PCDH11X: variants seen among roughly 807,000 people sequenced by gnomAD.
PCDH11X encodes the protein protocadherin-11 X-linked.
A neutral mutation model predicts 53.3 loss-of-function variants in PCDH11X; 18 were observed. That is an observed-to-expected ratio of 0.34 (90% confidence interval 0.23 to 0.50). The LOEUF is 0.50. PCDH11X is among the 20% of genes least tolerant of loss of function. The pLI is 0.98. For synonymous variants in PCDH11X, 279 were observed against 393.3 expected (o/e 0.71, Z 3.44); for missense variants, 570 against 1,032.4 (o/e 0.55, Z 6.14).
At chrX:92,144,696 T>C (rs1400699197) in intron 6 of PCDH11X, among the ~76,000 whole-genome samples, 1 of 110,767 alleles carries the variant, frequency 9.0e-6, no homozygotes, top group African/African-American at 3.3e-5. Flanking sequence ...CCAGCTATCC[T>C]GATGTCATTA....
chrX:92,233,011 G>A (rs1207151529), intron 7 of PCDH11X, among the ~76,000 whole-genome samples: 2 of 111,716 alleles, frequency 1.8e-5, no homozygotes, highest in African/African-American at 3.3e-5. Context: ...CACCGCGCCC[G>A]GCCTGCCCTA....
At chrX:92,423,898 T>C (rs1456932110) in intron 9 of PCDH11X, among the ~76,000 whole-genome samples, 2 of 97,213 alleles carry the variant, frequency 2.1e-5, no homozygotes, top group East Asian at 5.9e-4. Flanking sequence ...TATGGCCTTA[T>C]AGTATAAAGT....
intron 8 of PCDH11X, among the ~76,000 whole-genome samples, chrX:92,272,374 G>C (rs1434198731): frequency 3.6e-5 from 4 of 111,771 alleles, no homozygotes; most frequent in African/African-American, 1.3e-4. Flanking sequence ...AGCTGGACAA[G>C]TCTCCTGCTT....
intron 9 of PCDH11X, among the ~76,000 whole-genome samples, chrX:92,454,441 G>A (rs1399859161): frequency 9.1e-6 from 1 of 110,131 alleles, no homozygotes; most frequent in Non-Finnish European, 1.9e-5. Context: ...TGTCAGAAAT[G>A]CTCTATTTTG....
chrX:92,350,737 G>A (rs1321621838), intron 8 of PCDH11X, among the ~76,000 whole-genome samples: 1 of 111,567 alleles, frequency 9.0e-6, no homozygotes, highest in Non-Finnish European at 1.9e-5. Context: ...TGCTCTGTCT[G>A]TCTGAGTGGG....
intron 6 of PCDH11X, among the ~76,000 whole-genome samples, chrX:92,132,651 A>ATATGTATATATATATG (rs2065007966): frequency 7.0e-5 from 4 of 57,001 alleles, no homozygotes; most frequent in African/African-American, 3.7e-4. Flanking sequence ...ATATATATAT[A>ATATGTATATATATATG]TATATGTATA....
At chrX:91,963,774 G>A (rs1472418528) in intron 6 of PCDH11X, among the ~76,000 whole-genome samples, 2 of 111,184 alleles carry the variant, frequency 1.8e-5, no homozygotes, top group African/African-American at 6.6e-5. Flanking sequence ...TCAACTCACA[G>A]TTCAGCATGG....
intron 7 of PCDH11X, among the ~76,000 whole-genome samples, chrX:92,225,331 C>CAAAAAAAAAAAAA (rs35632625): frequency 1.4e-5 from 1 of 69,425 alleles, no homozygotes; most frequent in African/African-American, 5.0e-5. Flanking sequence ...CACAATAATT[C>CAAAAAAAAAAAAA]AAAAAAAAAA....
At position 92,206,499 on chromosome X, in the gene PCDH11X, A is replaced by G. The variant is rs185548055; in HGVS notation, c.3114+5044A>G. Among the ~76,000 whole-genome samples the G allele has an allele frequency of 2.7e-3, 302 of 111,101 alleles. 3 individuals are homozygous for G. Among genetic ancestry groups the G allele is most frequent in the African/African-American group, 9.3e-3 (285 of 30,582 alleles). ...CAATTAATTAACATTCATGATACAG[A>G]TAGTGACTTTTTAAAAAATTTTTAA... On this transcript the variant is annotated intron_variant, in intron 7 of 10. Transcript: ENST00000682573.
Position 91,990,661 on chromosome X carries a change from C to T in PCDH11X, c.3033+111388C>T, listed in dbSNP as rs781414998. ...ACTGCCTCATTATTTCCAGGGATAG[C>T]GGAAATCCCAATTTCCCACTCAACT... On this transcript the variant is annotated intron_variant, in intron 6 of 10. Transcript: ENST00000682573. 1.4e-3 allele frequency among the ~76,000 whole-genome samples: 151 copies of T among 108,926 alleles called. 1 individual carries two copies. The highest frequency in any genetic ancestry group is 2.1e-3 in the Non-Finnish European group (110 of 52,499). 94.6% of individuals were successfully genotyped at this position (108,926 alleles called of 115,157 possible). A position where few individuals can be genotyped will look rare whatever the true frequency, so the allele number is the denominator to read the frequency against.
intron 10 of PCDH11X, among the ~76,000 whole-genome samples, chrX:92,536,262 T>G (rs1353854908): frequency 9.0e-6 from 1 of 111,483 alleles, no homozygotes; most frequent in Non-Finnish European, 1.9e-5. Context: ...TATGTACATT[T>G]TTATACAGGC....
chrX:92,359,970 T>A (rs1245601639), intron 8 of PCDH11X, among the ~76,000 whole-genome samples: 1 of 111,055 alleles, frequency 9.0e-6, no homozygotes, highest in Non-Finnish European at 1.9e-5. Context: ...CAAACAAATC[T>A]ATGTGACTAA....
At chrX:92,207,774 CA>C (rs2066502117) in intron 7 of PCDH11X, among the ~76,000 whole-genome samples, 2 of 111,204 alleles carry the variant, frequency 1.8e-5, no homozygotes, top group Non-Finnish European at 3.8e-5. Context: ...ATGTCTCCTA[CA>C]AAAAACATAA....
At chrX:92,602,469 G>C (rs1344689436) in intron 10 of PCDH11X, among the ~76,000 whole-genome samples, 5 of 112,126 alleles carry the variant, frequency 4.5e-5, no homozygotes, top group African/African-American at 1.6e-4. Flanking sequence ...GTATCAGACT[G>C]CTGAGCAATT....
At chrX:92,077,112 G>A (rs1602839824) in intron 6 of PCDH11X, among the ~76,000 whole-genome samples, 7 of 112,000 alleles carry the variant, frequency 6.3e-5, no homozygotes, top group South Asian at 7.4e-4. Context: ...TGTGCTAGTT[G>A]CCAGGGAATA....
intron 7 of PCDH11X, among the ~76,000 whole-genome samples, chrX:92,258,464 C>A (rs1283693950): frequency 1.9e-5 from 2 of 107,515 alleles, no homozygotes; most frequent in Non-Finnish European, 3.9e-5. Context: ...ACCTCCTGGG[C>A]TCATGCCATT....
intron 9 of PCDH11X, among the ~76,000 whole-genome samples, chrX:92,449,877 A>T (rs3952469): frequency 9.1e-6 from 1 of 109,884 alleles, no homozygotes; most frequent in South Asian, 3.8e-4. Context: ...GAAATGATAA[A>T]ATGCATACAA....
At chrX:92,566,753 A>C (rs1921526851) in intron 10 of PCDH11X, among the ~76,000 whole-genome samples, 1 of 112,020 alleles carries the variant, frequency 8.9e-6, no homozygotes, top group South Asian at 3.7e-4. Context: ...TTTAACTTTA[A>C]CCTTAACATC....
chrX:91,826,923 A>G (rs917309612), intron 4 of PCDH11X, among the ~76,000 whole-genome samples: 3 of 107,957 alleles, frequency 2.8e-5, no homozygotes, highest in African/African-American at 1.0e-4. Flanking sequence ...TGCAGTGAAC[A>G]TTTGTGTGCA....
Sources: allele counts gnomAD v4.1 joint callset (sites outside exome capture counted in the v4.1 genomes callset), GRCh38; gene constraint gnomAD v4.1.1; transcripts MANE v1.5; gene names NCBI Gene and HGNC (gene_info 2026-07-23, HGNC 2026-07-21).